ADARB2: variants seen among roughly 807,000 people sequenced by gnomAD.
ADARB2 encodes the protein inactive double-stranded RNA-specific editase B2.
In ADARB2, 25 loss-of-function variants were observed where a neutral mutation model predicts 62.2. The observed-to-expected ratio is 0.40, with a 90% CI of 0.29 to 0.56. The LOEUF is 0.56. ADARB2 is among the 20% of genes least tolerant of loss of function. ADARB2 has a pLI of 0.43. For synonymous variants in ADARB2, 572 were observed against 500.8 expected (o/e 1.14, Z -1.90); for missense variants, 1,071 against 1,077.4 (o/e 0.99, Z 0.08).
intron 2 of ADARB2, among the ~76,000 whole-genome samples, chr10:1,368,698 C>A (rs1041636685): frequency 2.6e-5 from 4 of 152,240 alleles, no homozygotes; most frequent in African/African-American, 9.6e-5. Context: ...TCTCACAAAA[C>A]CTTCCAGAAC....
chr10:1,346,594 C>T (rs553115666), intron 3 of ADARB2, among the ~76,000 whole-genome samples: 11 of 152,342 alleles, frequency 7.2e-5, no homozygotes, highest in Non-Finnish European at 1.6e-4. Context: ...ACAGATTTGA[C>T]CCCCAGCCAT....
chr10:1,599,329 G>A lies in ADARB2; in HGVS notation c.100+137722C>T, dbSNP rs11250656. Among the ~76,000 whole-genome samples the A allele has an allele frequency of 4.6e-5, 7 of 152,228 alleles. No individual in the cohort carries two copies. The East Asian group carries it at 5.8e-4, about 13-fold the overall frequency. ...TGAGCTGCAAAATGAGGATGATGAC[G>A]GGTGAAATTCATACAAGAACTGTAC... On this transcript the variant is annotated intron_variant, in intron 1 of 9. Coordinates refer to ENST00000381312, the MANE Select transcript of ADARB2 (RefSeq NM_018702.4).
At chr10:1,516,248 C>T (rs1483004976) in intron 1 of ADARB2, among the ~76,000 whole-genome samples, 1 of 152,198 alleles carries the variant, frequency 6.6e-6, no homozygotes, top group East Asian at 1.9e-4. Context: ...AAACCACCTT[C>T]CCTCCATCCT....
intron 1 of ADARB2, among the ~76,000 whole-genome samples, chr10:1,581,394 CA>C (rs2132000741): frequency 1.3e-5 from 2 of 152,338 alleles, no homozygotes; most frequent in South Asian, 4.1e-4. Flanking sequence ...CCCCCGAGGA[CA>C]GGAGCTCAGG....
At chr10:1,227,534 C>T (rs533344857) in intron 6 of ADARB2, among the ~76,000 whole-genome samples, 6 of 152,300 alleles carry the variant, frequency 3.9e-5, no homozygotes, top group East Asian at 1.9e-4. Context: ...TGTTCCTATT[C>T]GGCCATCTTG....
intron 1 of ADARB2, among the ~76,000 whole-genome samples, chr10:1,645,156 A>G (rs1340895178): frequency 6.6e-6 from 1 of 152,240 alleles, no homozygotes; most frequent in Non-Finnish European, 1.5e-5. Flanking sequence ...ATGTGGGATG[A>G]CACAGGGACC....
At chr10:1,281,677 G>A (rs533591928) in intron 3 of ADARB2, among the ~76,000 whole-genome samples, 56 of 152,338 alleles carry the variant, frequency 3.7e-4, no homozygotes, top group African/African-American at 1.3e-3. Context: ...CTCAGGGACC[G>A]CAGGGCTGCA....
chr10:1,576,990 C>T (rs937634042), intron 1 of ADARB2, among the ~76,000 whole-genome samples: 2 of 152,094 alleles, frequency 1.3e-5, no homozygotes, highest in African/African-American at 2.4e-5. Flanking sequence ...GTTGCTGGCC[C>T]GGGGAGGCTC....
At chr10:1,531,823 C>A (rs11250592) in intron 1 of ADARB2, among the ~76,000 whole-genome samples, 1 of 151,472 alleles carries the variant, frequency 6.6e-6, no homozygotes. Context: ...GGTGACAGAG[C>A]GAGACTTCAT....
intron 4 of ADARB2, among the ~76,000 whole-genome samples, chr10:1,253,756 G>A (rs1020052107): frequency 7.9e-5 from 12 of 152,226 alleles, no homozygotes; most frequent in African/African-American, 2.7e-4. Flanking sequence ...GGAGAAAGAA[G>A]AGACCTGTGT....
chr10:1,691,293 C>A (rs915363376), intron 1 of ADARB2, among the ~76,000 whole-genome samples: 2 of 152,178 alleles, frequency 1.3e-5, no homozygotes, highest in African/African-American at 2.4e-5. Context: ...ACCCTGATGA[C>A]ATTTTGACCT....
chr10:1,350,994 C>T (rs968430847), intron 3 of ADARB2, among the ~76,000 whole-genome samples: 1 of 152,206 alleles, frequency 6.6e-6, no homozygotes, highest in Admixed American at 6.5e-5. Flanking sequence ...GGGTTTCCTC[C>T]AGGCCCGTTT....
chr10:1,638,959 C>T (rs552901089), intron 1 of ADARB2, among the ~76,000 whole-genome samples: 14 of 152,354 alleles, frequency 9.2e-5, no homozygotes, highest in African/African-American at 3.4e-4. Flanking sequence ...TGCCTGCACT[C>T]ACACGGACTT....
chr10:1,475,723 T>A (rs1831390971), intron 1 of ADARB2, among the ~76,000 whole-genome samples: 1 of 152,216 alleles, frequency 6.6e-6, no homozygotes, highest in Non-Finnish European at 1.5e-5. Context: ...ATATTTTGCA[T>A]AAATTTGGAT....
At chr10:1,664,920 T>A (rs1834296173) in intron 1 of ADARB2, among the ~76,000 whole-genome samples, 1 of 152,034 alleles carries the variant, frequency 6.6e-6, no homozygotes, top group Admixed American at 6.6e-5. Flanking sequence ...GCAGAAGAAA[T>A]GTTGAGAAGG....
intron 8 of ADARB2, chr10:1,187,845 C>T (rs752262527): frequency 2.3e-6 from 1 of 439,354 alleles, no homozygotes; most frequent in Non-Finnish European, 4.7e-6. Context: ...GGCTTCTTCT[C>T]ACCAGGGTGT....
At chr10:1,315,180 A>T (rs982218867) in intron 3 of ADARB2, among the ~76,000 whole-genome samples, 1 of 152,102 alleles carries the variant, frequency 6.6e-6, no homozygotes, top group Non-Finnish European at 1.5e-5. Flanking sequence ...TCTTCCCCTC[A>T]GCGGGGTGGG....
chr10:1,424,045 A>G (rs1832873789), intron 1 of ADARB2, among the ~76,000 whole-genome samples: 1 of 152,206 alleles, frequency 6.6e-6, no homozygotes, highest in African/African-American at 2.4e-5. Flanking sequence ...CATATGCAGT[A>G]GGTCTACTAT....
intron 1 of ADARB2, among the ~76,000 whole-genome samples, chr10:1,627,665 G>T (rs1833787590): frequency 6.6e-6 from 1 of 152,174 alleles, no homozygotes; most frequent in South Asian, 2.1e-4. Flanking sequence ...AGAAGCACTG[G>T]CTGTTTTACA....
Sources: allele counts gnomAD v4.1 joint callset (sites outside exome capture counted in the v4.1 genomes callset), GRCh38; gene constraint gnomAD v4.1.1; transcripts MANE v1.5; gene names NCBI Gene and HGNC (gene_info 2026-07-23, HGNC 2026-07-21).